STRADA: variants seen among roughly 807,000 people sequenced by gnomAD.
STRADA encodes STE20 related adaptor alpha.
A neutral mutation model predicts 55.0 loss-of-function variants in STRADA; 26 were observed. The observed-to-expected ratio is 0.47, with a 90% CI of 0.35 to 0.66. The LOEUF is 0.66. Ranked by LOEUF, STRADA falls within the 30% of genes least tolerant of loss-of-function variation. STRADA has a pLI of 0.01. For missense variants in STRADA, 443 were observed against 549.7 expected, an observed-to-expected ratio of 0.81 and a Z score of 1.94; for synonymous variants, 197 against 210.9, an observed-to-expected ratio of 0.93 and a Z score of 0.57.
chr17:63,726,944 T>A, intron 2 of STRADA: 1 of 515,698 alleles, frequency 1.9e-6, no homozygotes, highest in South Asian at 2.8e-5. Context: ...TAGTACTGGC[T>A]GTAATAATGA....
rs2143907400 is a variant in STRADA, at chr17:63,713,391, C to T, written c.348+15G>A. On this transcript the variant is annotated intron_variant, in intron 6 of 12. Transcript: ENST00000336174. ...GCCCACCCTCCCTCCATGTGACACACTCATGGTTTATTACCTGCAAGAATG... is the reference window on the plus strand; with the variant it reads ...GCCCACCCTCCCTCCATGTGACACATTCATGGTTTATTACCTGCAAGAATG... The T allele has an allele frequency of 1.2e-6, 2 of 1,612,452 alleles. No homozygotes were observed. The highest frequency in any genetic ancestry group is 8.5e-7 in the Non-Finnish European group (1 of 1,179,434).
At chr17:63,710,998 A>G in intron 6 of STRADA, 162 bp from the exon 7 acceptor site, 1 of 635,196 alleles carries the variant, frequency 1.6e-6, no homozygotes, top group Non-Finnish European at 2.7e-6. Flanking sequence ...AGGAAAAACA[A>G]GGCCCTGCTG....
chr17:63,733,050 G>A (rs1363344918), intron 1 of STRADA, among the ~76,000 whole-genome samples: 4 of 152,170 alleles, frequency 2.6e-5, no homozygotes, highest in African/African-American at 9.6e-5. Flanking sequence ...ACCACACCCA[G>A]CTAGTTTTTT....
chr17:63,733,023 G>A (rs1184411113), intron 1 of STRADA, among the ~76,000 whole-genome samples: 1 of 152,220 alleles, frequency 6.6e-6, no homozygotes, highest in East Asian at 1.9e-4. Context: ...AAGTAGCTGG[G>A]ATTACAGGCA....
chr17:63,713,012 A>AG (rs1360585414), intron 6 of STRADA, among the ~76,000 whole-genome samples: 8 of 151,326 alleles, frequency 5.3e-5, no homozygotes, highest in African/African-American at 1.7e-4. Context: ...AAAAAAAAAA[A>AG]AAAGAAAAGA....
At chr17:63,728,152 G>A (rs1006887526) in intron 2 of STRADA, 182 bp downstream of exon 2, 6 of 533,744 alleles carry the variant, frequency 1.1e-5, no homozygotes, top group Admixed American at 7.3e-5. Flanking sequence ...TGTGTCTCTG[G>A]TCAGCCTCTG....
rs376897097 is a variant in STRADA at position 63,704,530 on chromosome 17, G to A, written c.911C>T (p.Thr304Ile). The change falls in exon 11 of 13, where the codon ACC (threonine) becomes ATC (isoleucine). Residue 304 changes from threonine (T) to isoleucine (I), a missense_variant. Transcript: ENST00000336174. ...CATGGTCAGCTCCTCAGCGGGGATG[G>A]TGCTGGTATCCAACAGGCAGGGCAC... is the stretch of plus-strand genomic sequence containing the variant. ...GTVPCLLDTSTIPAEELTMSP... is the reference protein window; with the variant it reads ...GTVPCLLDTSIIPAEELTMSP... 9 of 1,594,900 alleles carry A rather than the reference G, an allele frequency of 5.6e-6. No individual in the cohort carries two copies. The highest frequency in any genetic ancestry group is 1.1e-5 in the South Asian group (1 of 88,244).
At chr17:63,722,253 G>T (rs993599642) in intron 4 of STRADA, among the ~76,000 whole-genome samples, 1 of 152,128 alleles carries the variant, frequency 6.6e-6, no homozygotes, top group African/African-American at 2.4e-5. Flanking sequence ...ATCCAGAAAT[G>T]ACCATAAAAT....
intron 2 of STRADA, 146 bp from the exon 3 acceptor site, chr17:63,726,841 T>C: frequency 2.8e-6 from 2 of 721,148 alleles, no homozygotes; most frequent in South Asian, 3.8e-5. Flanking sequence ...GAAAAGTTTT[T>C]AACAGAATCT....
chr17:63,722,437 T>C (rs2037377955), intron 4 of STRADA, among the ~76,000 whole-genome samples: 1 of 152,252 alleles, frequency 6.6e-6, no homozygotes, highest in Admixed American at 6.5e-5. Context: ...CATCGTATTC[T>C]AGAAAAATAG....
chr17:63,740,617 T>G (rs796920868), intron 1 of STRADA, among the ~76,000 whole-genome samples: 36 of 152,278 alleles, frequency 2.4e-4, no homozygotes, highest in African/African-American at 8.7e-4. Context: ...CATGAGCAGC[T>G]CACAAGTATT....
intron 1 of STRADA, among the ~76,000 whole-genome samples, chr17:63,734,191 A>G (rs370047997): frequency 6.6e-6 from 1 of 152,344 alleles, no homozygotes; most frequent in East Asian, 1.9e-4. Context: ...TTTGCCTCCA[A>G]TAAAATTATT....
chr17:63,707,548 C>A, intron 8 of STRADA, 130 bp from the exon 9 acceptor site: 1 of 794,392 alleles, frequency 1.3e-6, no homozygotes, highest in Non-Finnish European at 2.0e-6. Context: ...GTGTATTTTA[C>A]ATATACATAA....
At chr17:63,735,748 ATG>A (rs2038373790) in intron 1 of STRADA, among the ~76,000 whole-genome samples, 1 of 152,208 alleles carries the variant, frequency 6.6e-6, no homozygotes, top group African/African-American at 2.4e-5. Context: ...GCAGGCTAGA[ATG>A]TGAATGGAGA....
chr17:63,729,780 C>G (rs1391348883), intron 1 of STRADA, among the ~76,000 whole-genome samples: 1 of 150,538 alleles, frequency 6.6e-6, no homozygotes, highest in African/African-American at 2.5e-5. Flanking sequence ...CAGAGCTAGA[C>G]TCCATCTCAA....
chr17:63,740,240 G>T lies in STRADA; in HGVS notation c.-45+1501C>A, dbSNP rs534965112. Among the ~76,000 whole-genome samples, 11 of 150,562 alleles carry T rather than the reference G, an allele frequency of 7.3e-5. No individual in the cohort carries two copies. In the East Asian group the frequency reaches 2.1e-3, roughly 29 times the overall value. On this transcript the variant is annotated intron_variant, in intron 1 of 12. Coordinates refer to ENST00000336174, the MANE Select transcript of STRADA (RefSeq NM_001003787.4). ...GAAATAGCTTTATTGGCCGGGCGCG[G>T]TGGCTCACGCCTGTAATCCCAGCAC...
intron 4 of STRADA, among the ~76,000 whole-genome samples, chr17:63,720,457 C>T (rs1360290413): frequency 6.6e-6 from 1 of 151,970 alleles, no homozygotes; most frequent in Non-Finnish European, 1.5e-5. Context: ...CAGGTGTGAG[C>T]CACCACACCT....
At chr17:63,736,137 T>C (rs2038406281) in intron 1 of STRADA, among the ~76,000 whole-genome samples, 1 of 152,022 alleles carries the variant, frequency 6.6e-6, no homozygotes, top group Non-Finnish European at 1.5e-5. Context: ...AGACGGGGCT[T>C]AACCATGTTG....
At chr17:63,706,889 G>A in intron 9 of STRADA, 150 bp from the exon 10 acceptor site, 1 of 650,708 alleles carries the variant, frequency 1.5e-6, no homozygotes, top group South Asian at 2.0e-5. Flanking sequence ...AGACTAACTG[G>A]TATTTTACCA....
Sources: gnomAD v4.1 joint callset for allele counts (sites outside exome capture counted in the v4.1 genomes callset) on GRCh38, gnomAD v4.1.1 for gene constraint, MANE v1.5 for transcripts, NCBI Gene and HGNC (gene_info 2026-07-23, HGNC 2026-07-21) for gene names.